Variants in TMEM132D observed in about 807,000 individuals in gnomAD.
TMEM132D encodes the protein transmembrane protein 132D.
In TMEM132D, 21 loss-of-function variants were observed where a neutral mutation model predicts 62.3. That is an observed-to-expected ratio of 0.34 (90% CI 0.24 to 0.49). The LOEUF (loss-of-function observed/expected upper bound fraction) is 0.49. Among genes scored for constraint, TMEM132D ranks in the 20% least tolerant of loss-of-function variants. The probability of loss-of-function intolerance (pLI) is 0.99; values close to 1 mark genes in which losing one functional copy is unlikely to be tolerated. For synonymous variants in TMEM132D, 621 were observed against 575.6 expected (o/e 1.08, Z -1.13); for missense variants, 1,346 against 1,402.8 (o/e 0.96, Z 0.65).
At chr12:129,739,356 C>A (rs1178974444) in intron 1 of TMEM132D, among the ~76,000 whole-genome samples, 2 of 152,124 alleles carry the variant, frequency 1.3e-5, no homozygotes, top group Non-Finnish European at 2.9e-5. Context: ...CTAGCCAAGG[C>A]AAGGCGAGGG....
At chr12:129,567,235 A>T (rs1877390828) in intron 2 of TMEM132D, among the ~76,000 whole-genome samples, 1 of 152,238 alleles carries the variant, frequency 6.6e-6, no homozygotes, top group Non-Finnish European at 1.5e-5. Flanking sequence ...TTGATATTGT[A>T]AAATGAAATG....
intron 3 of TMEM132D, among the ~76,000 whole-genome samples, chr12:129,398,520 A>C (rs1052642728): frequency 1.3e-5 from 2 of 152,218 alleles, no homozygotes; most frequent in Admixed American, 6.5e-5. Context: ...TGTTCATTCT[A>C]TCATAAGGGA....
At chr12:129,523,536 G>C (rs780991725) in intron 3 of TMEM132D, among the ~76,000 whole-genome samples, 1 of 152,160 alleles carries the variant, frequency 6.6e-6, no homozygotes, top group Non-Finnish European at 1.5e-5. Context: ...AAAAAGCCAC[G>C]GCAGCTCCGG....
At chr12:129,630,513 T>C (rs1879324032) in intron 2 of TMEM132D, among the ~76,000 whole-genome samples, 1 of 152,134 alleles carries the variant, frequency 6.6e-6, no homozygotes. Flanking sequence ...TCTTGGAGTA[T>C]TTCTAAGAAG....
chr12:129,627,767 G>A (rs975739830), intron 2 of TMEM132D, among the ~76,000 whole-genome samples: 2 of 152,222 alleles, frequency 1.3e-5, no homozygotes, highest in Middle Eastern at 3.4e-3. Flanking sequence ...CCAGGTGATC[G>A]CTTGAGCTCA....
At chr12:129,768,677 G>A (rs570154327) in intron 1 of TMEM132D, among the ~76,000 whole-genome samples, 9 of 152,096 alleles carry the variant, frequency 5.9e-5, no homozygotes, top group Admixed American at 2.6e-4. Flanking sequence ...TGGTAGAGGC[G>A]AAACAGGGAC....
At chr12:129,901,447 T>G (rs1044228736) in intron 1 of TMEM132D, among the ~76,000 whole-genome samples, 3 of 152,238 alleles carry the variant, frequency 2.0e-5, no homozygotes, top group African/African-American at 7.2e-5. Context: ...GTGCTCAGAC[T>G]CTGCTAATTG....
At chr12:129,570,609 C>T (rs1048171089) in intron 2 of TMEM132D, among the ~76,000 whole-genome samples, 9 of 152,160 alleles carry the variant, frequency 5.9e-5, no homozygotes, top group Admixed American at 1.3e-4. Context: ...GGCATCTGAT[C>T]GGGGCTGCTG....
At chr12:129,240,116 A>G (rs1879896409) in intron 4 of TMEM132D, among the ~76,000 whole-genome samples, 1 of 152,218 alleles carries the variant, frequency 6.6e-6, no homozygotes, top group African/African-American at 2.4e-5. Flanking sequence ...CACTTGGAAA[A>G]TATACGCAAG....
At chr12:129,299,845 G>A (rs999480904) in intron 4 of TMEM132D, among the ~76,000 whole-genome samples, 13 of 152,128 alleles carry the variant, frequency 8.5e-5, no homozygotes, top group African/African-American at 3.1e-4. Flanking sequence ...AAGTTAAACA[G>A]GTCTCTTCAA....
At chr12:129,237,204 C>G (rs142889635) in intron 4 of TMEM132D, among the ~76,000 whole-genome samples, 1 of 152,110 alleles carries the variant, frequency 6.6e-6, no homozygotes, top group Non-Finnish European at 1.5e-5. Context: ...GTAGTAGTTA[C>G]CTCTTCTTCA....
chr12:129,773,046 C>A (rs1870805286), intron 1 of TMEM132D, among the ~76,000 whole-genome samples: 1 of 152,186 alleles, frequency 6.6e-6, no homozygotes, highest in East Asian at 1.9e-4. Flanking sequence ...TTTGTTAGAA[C>A]AAACAAGGGG....
intron 1 of TMEM132D, among the ~76,000 whole-genome samples, chr12:129,818,342 T>A (rs1836238749): frequency 7.0e-6 from 1 of 142,442 alleles, no homozygotes. Flanking sequence ...TGTATCTGCT[T>A]TGGGGTGTGT....
chr12:129,526,046 A>G (rs1465222337), intron 3 of TMEM132D, among the ~76,000 whole-genome samples: 1 of 152,202 alleles, frequency 6.6e-6, no homozygotes, highest in Non-Finnish European at 1.5e-5. Context: ...TGGAAAATTA[A>G]CAAGCATTTC....
intron 1 of TMEM132D, among the ~76,000 whole-genome samples, chr12:129,860,721 A>G (rs1454140451): frequency 5.3e-5 from 8 of 152,230 alleles, no homozygotes; most frequent in Admixed American, 5.2e-4. Context: ...ATTGACTCAC[A>G]GTTCTGCAGG....
intron 5 of TMEM132D, chr12:129,085,561 A>T (rs1279556654): frequency 2.0e-5 from 3 of 152,384 alleles, no homozygotes; most frequent in African/African-American, 4.8e-5. Context: ...CCTGTTCTCA[A>T]GTGCACGTCA....
intron 1 of TMEM132D, among the ~76,000 whole-genome samples, chr12:129,766,004 T>G (rs1363713199): frequency 2.6e-5 from 4 of 152,160 alleles, no homozygotes; most frequent in Admixed American, 2.6e-4. Flanking sequence ...GGTGGCGCCC[T>G]TGGACTTGTT....
chr12:129,270,048 G>A (rs901264741), intron 4 of TMEM132D, among the ~76,000 whole-genome samples: 16 of 152,262 alleles, frequency 1.1e-4, no homozygotes, highest in Middle Eastern at 3.4e-3. Flanking sequence ...CGAGGACGAA[G>A]GGGTCTCCTA....
At chr12:129,725,161 T>C (rs1323390945) in intron 1 of TMEM132D, among the ~76,000 whole-genome samples, 4 of 152,186 alleles carry the variant, frequency 2.6e-5, no homozygotes, top group Non-Finnish European at 5.9e-5. Flanking sequence ...ATATGCATCA[T>C]TGGCAAGAGA....
Sources: gnomAD v4.1 joint callset for allele counts (sites outside exome capture counted in the v4.1 genomes callset) on GRCh38, gnomAD v4.1.1 for gene constraint, MANE v1.5 for transcripts, NCBI Gene and HGNC (gene_info 2026-07-23, HGNC 2026-07-21) for gene names.